Variants in RANGAP1 observed in about 807,000 individuals in gnomAD.
The protein encoded by RANGAP1 is ran GTPase-activating protein 1.
In RANGAP1, 38 loss-of-function variants were observed where a neutral mutation model predicts 63.5. The ratio of observed to expected loss-of-function variants is 0.60; its 90% CI spans 0.46 to 0.78. RANGAP1 has a LOEUF of 0.78. Ranked by LOEUF, RANGAP1 falls within the 30% of genes least tolerant of loss-of-function variation. The pLI, the probability that RANGAP1 is intolerant of heterozygous loss-of-function variation, is 0.00. For missense variants in RANGAP1, 630 were observed against 740.3 expected, an observed-to-expected ratio of 0.85 and a Z score of 1.73; for synonymous variants, 329 against 310.5, an observed-to-expected ratio of 1.06 and a Z score of -0.63.
At chr22:41,247,335 G>A (rs138211777) in intron 15 of RANGAP1, among the ~76,000 whole-genome samples, 95 of 152,196 alleles carry the variant, frequency 6.2e-4, no homozygotes, top group Non-Finnish European at 9.7e-4. Flanking sequence ...GATTATAGGC[G>A]TGAGCCACCG....
the RANGAP1 span, among the ~76,000 whole-genome samples, chr22:41,302,262 G>A: frequency 6.6e-6 from 1 of 151,686 alleles, no homozygotes; most frequent in African/African-American, 2.4e-5. The surrounding 1 kb of genome is among the most constrained non-coding windows in gnomAD (Gnocchi z 5.7). Context: ...GAGTTGGAGG[G>A]GCCGCGGCGA....
At position 41,279,373 on chromosome 22, in the gene RANGAP1, G is replaced by A. The variant is rs575802607; in HGVS notation, c.112+1560C>T. 1.1e-4 allele frequency among the ~76,000 whole-genome samples: 17 copies of A among 152,118 alleles called. No individual in the cohort carries two copies. The South Asian group carries it at 3.5e-3, about 32-fold the overall frequency. ...TAGTCCTAGCTACTCAGGAGGCTGA[G>A]GCAGGAGAATGGCGTGAACCAGGGA... On this transcript the variant is annotated intron_variant, in intron 2 of 15. Transcript: ENST00000356244.
At chr22:41,294,784 C>T in the RANGAP1 span, among the ~76,000 whole-genome samples, 18 of 130,718 alleles carry the variant, frequency 1.4e-4, no homozygotes, top group African/African-American at 5.3e-4. Flanking sequence ...GGCAGCCGCC[C>T]CGTCTGAGAA....
At chr22:41,293,771 AAAAAAAAAAAG>A in the RANGAP1 span, among the ~76,000 whole-genome samples, 36,595 of 147,914 alleles carry the variant, frequency 0.25, 5,764 homozygotes, top group Admixed American at 0.46. Flanking sequence ...AAAAAAAAAA[AAAAAAAAAAAG>A]AAAAGAAATA....
chr22:41,295,204 G>A, the RANGAP1 span, among the ~76,000 whole-genome samples: 1 of 151,132 alleles, frequency 6.6e-6, no homozygotes, highest in Admixed American at 6.6e-5. Flanking sequence ...GGTGTGCCCA[G>A]CAGCTCATTG....
Position 41,256,100 on chromosome 22 carries a change from T to C in RANGAP1, c.994A>G (p.Thr332Ala). 6.2e-7 allele frequency: 1 copy of C among 1,614,100 alleles called. No homozygotes were observed. Among genetic ancestry groups the C allele is most frequent in the Non-Finnish European group, 8.5e-7 (1 of 1,180,016 alleles). ...ELEKLDLNGN[T>A]LGEEGCEQLQ... ...TGTTCACAGCCTTCTTCTCCCAGGGTGTTGCCTGCTCAAGGGGAGGGAAGA... is the reference window on the plus strand; with the variant it reads ...TGTTCACAGCCTTCTTCTCCCAGGGCGTTGCCTGCTCAAGGGGAGGGAAGA... Residue 332 changes from threonine to alanine, a missense_variant, in exon 10 of 16, where the codon ACC (threonine) becomes GCC (alanine). Transcript: ENST00000356244.
At chr22:41,262,347 G>A (rs1041837379) in intron 5 of RANGAP1, among the ~76,000 whole-genome samples, 1 of 152,174 alleles carries the variant, frequency 6.6e-6, no homozygotes, top group African/African-American at 2.4e-5. Flanking sequence ...AGTGCACCGA[G>A]AGAAGTGATA....
At chr22:41,250,825 CAG>C (rs1555927910) in intron 13 of RANGAP1, among the ~76,000 whole-genome samples, 180 bp downstream of exon 13, 2 of 152,148 alleles carry the variant, frequency 1.3e-5, no homozygotes, top group African/African-American at 4.8e-5. Flanking sequence ...TGGTGAAAAA[CAG>C]GGAGAAGAGC....
chr22:41,269,455 C>T (rs1397591223), intron 3 of RANGAP1, among the ~76,000 whole-genome samples: 1 of 151,986 alleles, frequency 6.6e-6, no homozygotes, highest in Non-Finnish European at 1.5e-5. Flanking sequence ...CTAGAAGATG[C>T]CGGGCATGGT....
At chr22:41,301,055 C>T in the RANGAP1 span, among the ~76,000 whole-genome samples, 4 of 152,146 alleles carry the variant, frequency 2.6e-5, no homozygotes, top group Non-Finnish European at 5.9e-5. Flanking sequence ...CCAATAAAGT[C>T]GGCCTTGTAG....
intron 6 of RANGAP1, among the ~76,000 whole-genome samples, chr22:41,259,573 C>G (rs1423871305): frequency 6.6e-6 from 1 of 152,130 alleles, no homozygotes; most frequent in African/African-American, 2.4e-5. Flanking sequence ...ATAACAAGAT[C>G]TAGGGGTGGG....
chr22:41,299,612 T>C, the RANGAP1 span, among the ~76,000 whole-genome samples: 1 of 152,080 alleles, frequency 6.6e-6, no homozygotes. Context: ...ATGCAAAGTG[T>C]TTGGCTCATA....
At chr22:41,262,057 G>A (rs1569187006) in intron 5 of RANGAP1, among the ~76,000 whole-genome samples, 1 of 152,174 alleles carries the variant, frequency 6.6e-6, no homozygotes, top group Non-Finnish European at 1.5e-5. Context: ...AAATCTTCCA[G>A]CTTCTCTTCC....
At chr22:41,266,062 C>T (rs926943140) in intron 4 of RANGAP1, among the ~76,000 whole-genome samples, 2 of 152,146 alleles carry the variant, frequency 1.3e-5, no homozygotes, top group Non-Finnish European at 2.9e-5. Context: ...ATTAGCCGGG[C>T]ATGGTGGCGG....
chr22:41,264,046 T>C (rs1368790690), intron 5 of RANGAP1, among the ~76,000 whole-genome samples: 1 of 152,226 alleles, frequency 6.6e-6, no homozygotes, highest in Non-Finnish European at 1.5e-5. Flanking sequence ...TTTCTCCCTT[T>C]GGTTAGAAAG....
chr22:41,273,802 G>A (rs1316900266), intron 3 of RANGAP1, among the ~76,000 whole-genome samples: 4 of 109,052 alleles, frequency 3.7e-5, no homozygotes, highest in Admixed American at 8.8e-5. Flanking sequence ...AAGGCCGGGA[G>A]CAGTGGCTCA....
Position 41,257,940 on chromosome 22 carries a change from C to T in RANGAP1, c.774+8G>A. The T allele has an allele frequency of 5.0e-6, 8 of 1,593,610 alleles. No homozygotes were observed. The highest frequency in any genetic ancestry group is 4.5e-5 in the East Asian group (2 of 44,260). On this transcript the variant is annotated splice_region_variant and intron_variant, in intron 7 of 15. Transcript: ENST00000356244. This position sits in a 1 kb window ranked among gnomAD's most constrained non-coding sequence, Gnocchi z 4.0. The stretch of plus-strand genomic sequence containing the variant: ...GGGGCCCAACTGGCTCTGCCACACT[C>T]GCCTCACCTCGGCCATGGCCACGGC...
chr22:41,264,529 T>G (rs1259973130), intron 5 of RANGAP1, 135 bp downstream of exon 5: 1 of 1,153,236 alleles, frequency 8.7e-7, no homozygotes. Flanking sequence ...CCACAGGCTG[T>G]TGCCTTTGAG....
chr22:41,291,212 G>T, the RANGAP1 span, among the ~76,000 whole-genome samples: 3 of 152,220 alleles, frequency 2.0e-5, no homozygotes, highest in African/African-American at 4.8e-5. Context: ...GAAAAGGATG[G>T]TGTCTATGGA....
Sources: allele counts gnomAD v4.1 joint callset (sites outside exome capture counted in the v4.1 genomes callset), GRCh38; gene constraint gnomAD v4.1.1; non-coding constraint Gnocchi (gnomAD v3.1); transcripts MANE v1.5; gene names NCBI Gene and HGNC (gene_info 2026-07-23, HGNC 2026-07-21).